The following ANKFN1 variants were observed in gnomAD, a reference collection of about 807,000 sequenced individuals.
ANKFN1 encodes the protein ankyrin repeat and fibronectin type III domain containing 1.
ANKFN1 carries 74 observed loss-of-function variants against 108.7 expected under a neutral mutation model. The observed-to-expected ratio is 0.68, with a 90% CI of 0.56 to 0.83. The LOEUF is 0.83. ANKFN1 is among the 40% of genes least tolerant of loss of function. The pLI is 0.00. For missense variants in ANKFN1, 1,505 were observed against 1,382.3 expected (o/e 1.09, Z -1.41); for synonymous variants, 547 against 516.2 (o/e 1.06, Z -0.81).
intron 4 of ANKFN1, among the ~76,000 whole-genome samples, chr17:56,345,547 A>G (rs1391552741): frequency 6.6e-6 from 1 of 152,172 alleles, no homozygotes; most frequent in East Asian, 1.9e-4. Flanking sequence ...CATCCTCTCC[A>G]GCATCTGTTG....
intron 3 of ANKFN1, among the ~76,000 whole-genome samples, chr17:56,271,154 C>T (rs771784610): frequency 7.9e-5 from 12 of 152,072 alleles, no homozygotes; most frequent in East Asian, 3.9e-4. Flanking sequence ...GGACTTCAGG[C>T]GCACCACCAC....
chr17:56,367,198 T>G (rs1432193383), intron 6 of ANKFN1, among the ~76,000 whole-genome samples: 1 of 152,236 alleles, frequency 6.6e-6, no homozygotes, highest in Non-Finnish European at 1.5e-5. Flanking sequence ...AATTGTTCCC[T>G]AAAATTCTTA....
intron 8 of ANKFN1, among the ~76,000 whole-genome samples, chr17:56,391,288 TAC>T (rs1355601550): frequency 5.6e-5 from 8 of 142,310 alleles, no homozygotes; most frequent in African/African-American, 7.9e-5. Context: ...TATGTATATG[TAC>T]ACACACACAC....
At chr17:56,501,490 G>T (rs1305599226) in intron 20 of ANKFN1, among the ~76,000 whole-genome samples, 1 of 152,136 alleles carries the variant, frequency 6.6e-6, no homozygotes, top group Non-Finnish European at 1.5e-5. Flanking sequence ...AAAAAAAAAG[G>T]TAAGAGAGAA....
chr17:56,196,869 G>A (rs1363014708), intron 1 of ANKFN1, among the ~76,000 whole-genome samples: 1 of 152,210 alleles, frequency 6.6e-6, no homozygotes, highest in Non-Finnish European at 1.5e-5. Context: ...CCATCAGAAA[G>A]GTCATGCACA....
rs557036613 is a variant in ANKFN1 at position 56,288,347 on chromosome 17, CTTTTGTTTTG to C, written c.54-37859_54-37850del. Among the ~76,000 whole-genome samples the C allele has an allele frequency of 7.6e-4, 116 of 151,726 alleles. 1 individual carries two copies. The highest frequency in any genetic ancestry group is 5.9e-3 in the Admixed American group (90 of 15,198). On this transcript the variant is annotated intron_variant, in intron 3 of 20. Coordinates refer to ENST00000682825, the MANE Select transcript of ANKFN1 (RefSeq NM_001370326.1). Reference sequence around the variant, plus strand: ...AAAAGACAATATGTTTTTTACTTTGCTTTTGTTTTGTTTTGTTTTGTTTTTTTAGCTGAAC... The same window carrying C: ...AAAAGACAATATGTTTTTTACTTTGCTTTTGTTTTGTTTTTTTAGCTGAAC...
intron 4 of ANKFN1, among the ~76,000 whole-genome samples, chr17:56,098,056 A>G (rs9911286): frequency 0.57 from 86,722 of 151,906 alleles, 24,959 homozygotes; most frequent in East Asian, 0.69. Flanking sequence ...CAATATCTTT[A>G]TAAGAGAGAA....
chr17:56,498,754 T>C, intron 19 of ANKFN1, 128 bp from the exon 20 acceptor site: 1 of 740,966 alleles, frequency 1.3e-6, no homozygotes, highest in Non-Finnish European at 2.2e-6. Context: ...CAAATCTATG[T>C]TAAAAATATT....
intron 8 of ANKFN1, among the ~76,000 whole-genome samples, chr17:56,408,844 C>T (rs192352800): frequency 1.2e-4 from 18 of 151,468 alleles, no homozygotes; most frequent in African/African-American, 3.4e-4. Flanking sequence ...TGGGTTTGAA[C>T]GCAAAAAGTA....
At chr17:56,072,087 A>C (rs555976248) in intron 4 of ANKFN1, among the ~76,000 whole-genome samples, 1 of 152,238 alleles carries the variant, frequency 6.6e-6, no homozygotes, top group Admixed American at 6.5e-5. Context: ...CATCCATGTC[A>C]GTAAGATTTT....
intron 4 of ANKFN1, among the ~76,000 whole-genome samples, chr17:56,343,596 T>C (rs1183920492): frequency 6.6e-6 from 1 of 151,962 alleles, no homozygotes; most frequent in Non-Finnish European, 1.5e-5. Flanking sequence ...TTTATTCTAC[T>C]TAATGTTCAT....
chr17:56,065,226 A>C (rs1905041908), intron 4 of ANKFN1, among the ~76,000 whole-genome samples: 3 of 152,026 alleles, frequency 2.0e-5, no homozygotes, highest in African/African-American at 7.2e-5. Context: ...AAGCTTCTTC[A>C]CCTCTCTCAG....
chr17:56,472,749 T>C (rs1217992257), intron 15 of ANKFN1: 1 of 152,300 alleles, frequency 6.6e-6, no homozygotes, highest in Non-Finnish European at 1.5e-5. Flanking sequence ...CAGTGTACTA[T>C]GGGGAACACA....
At chr17:56,161,514 T>G (rs531594348) in intron 1 of ANKFN1, among the ~76,000 whole-genome samples, 11 of 152,340 alleles carry the variant, frequency 7.2e-5, no homozygotes, top group African/African-American at 2.6e-4. Context: ...TGATACAAAC[T>G]TATACAGGCT....
At chr17:56,206,759 G>A (rs1914572364) in intron 1 of ANKFN1, among the ~76,000 whole-genome samples, 1 of 152,162 alleles carries the variant, frequency 6.6e-6, no homozygotes, top group African/African-American at 2.4e-5. Flanking sequence ...TTTGGCAAGA[G>A]ATGGGGATGG....
At chr17:56,327,528 T>C (rs2045554235) in intron 4 of ANKFN1, among the ~76,000 whole-genome samples, 1 of 152,172 alleles carries the variant, frequency 6.6e-6, no homozygotes, top group Non-Finnish European at 1.5e-5. Context: ...GGTGAAGTTT[T>C]GCCTGGTGGA....
At chr17:56,353,691 T>C in intron 5 of ANKFN1, 145 bp from the exon 6 acceptor site, 1 of 694,258 alleles carries the variant, frequency 1.4e-6, no homozygotes. Flanking sequence ...GAGTGTTTAC[T>C]TTGGAGACCT....
intron 8 of ANKFN1, among the ~76,000 whole-genome samples, chr17:56,387,435 T>C (rs1414394176): frequency 2.0e-5 from 3 of 152,222 alleles, no homozygotes; most frequent in Admixed American, 1.3e-4. Flanking sequence ...TCACTTTAAA[T>C]TTCCAAGTGG....
At position 56,429,295 on chromosome 17, in the gene ANKFN1, G is replaced by A. The variant is rs562334690; in HGVS notation, c.911-11032G>A. On this transcript the variant is annotated intron_variant, in intron 8 of 20. Coordinates refer to ENST00000682825, the MANE Select transcript of ANKFN1 (RefSeq NM_001370326.1). ...GCAGATGAAGCGAAATGGATAGAAC[G>A]GTAGAAGGGGGGCTTTCAAAGAAAC... 3.9e-5 allele frequency among the ~76,000 whole-genome samples: 6 copies of A among 152,278 alleles called. No homozygotes were observed. The South Asian group carries it at 6.2e-4, about 16-fold the overall frequency.
Sources: gnomAD v4.1 joint callset for allele counts (sites outside exome capture counted in the v4.1 genomes callset) on GRCh38, gnomAD v4.1.1 for gene constraint, MANE v1.5 for transcripts, NCBI Gene and HGNC (gene_info 2026-07-23, HGNC 2026-07-21) for gene names.